The following AOPEP variants were observed in gnomAD, a reference collection of about 807,000 sequenced individuals.
AOPEP encodes the protein aminopeptidase O.
A neutral mutation model predicts 98.1 loss-of-function variants in AOPEP; 77 were observed. That is an observed-to-expected ratio of 0.78 (90% CI 0.65 to 0.95). The LOEUF (loss-of-function observed/expected upper bound fraction) is 0.95. Ranked by LOEUF, AOPEP falls within the 40% of genes least tolerant of loss-of-function variation. The pLI is 0.00. For missense variants in AOPEP, 1,024 were observed against 1,024.7 expected (o/e 1.00, Z 0.01); for synonymous variants, 346 against 365.3 (o/e 0.95, Z 0.60).
chr9:94,959,944 C>T (rs1482090441), intron 9 of AOPEP, among the ~76,000 whole-genome samples: 1 of 152,052 alleles, frequency 6.6e-6, no homozygotes, highest in East Asian at 1.9e-4. Context: ...GAAAAAGCAA[C>T]TAAAGTGGAG....
chr9:95,070,516 T>G lies in AOPEP; in HGVS notation c.2232+9706T>G, dbSNP rs955693420. Among the ~76,000 whole-genome samples the G allele has an allele frequency of 5.9e-5, 9 of 152,258 alleles. No homozygotes were observed. In the East Asian group the frequency reaches 1.3e-3, roughly 23 times the overall value. ...TGGTGGCATTCTTCAAAGCATTTTA[T>G]AGCCTCTAACTGTGCATTATAATTT... On this transcript the variant is annotated intron_variant, in intron 14 of 16. Coordinates refer to ENST00000375315, the MANE Select transcript of AOPEP (RefSeq NM_001193329.3).
chr9:95,121,650 G>A, the AOPEP span, among the ~76,000 whole-genome samples: 58,051 of 152,022 alleles, frequency 0.38, 11,673 homozygotes, highest in East Asian at 0.58. Context: ...ATGCATAACA[G>A]TACTTCCCCA....
intron 5 of AOPEP, among the ~76,000 whole-genome samples, chr9:94,903,587 A>C: frequency 1.3e-5 from 2 of 151,406 alleles, no homozygotes; most frequent in East Asian, 3.9e-4. Context: ...CCAGGAGTTC[A>C]AGACCAGCCT....
At chr9:94,870,710 G>A (rs747831919) in intron 5 of AOPEP, among the ~76,000 whole-genome samples, 4 of 152,214 alleles carry the variant, frequency 2.6e-5, no homozygotes, top group Admixed American at 6.5e-5. Context: ...TGACATTTGC[G>A]GATAGTGAAG....
intron 11 of AOPEP, among the ~76,000 whole-genome samples, chr9:95,004,504 G>A (rs1296495361): frequency 6.6e-6 from 1 of 152,120 alleles, no homozygotes; most frequent in African/African-American, 2.4e-5. Context: ...CTACTCGAGG[G>A]CGTAGAACCC....
intron 3 of AOPEP, among the ~76,000 whole-genome samples, chr9:94,778,937 G>A (rs1842732592): frequency 6.6e-6 from 1 of 151,990 alleles, no homozygotes; most frequent in Non-Finnish European, 1.5e-5. Context: ...GCTGAGGCAA[G>A]AGAATTGCTT....
At chr9:94,913,229 G>A (rs952818819) in intron 5 of AOPEP, among the ~76,000 whole-genome samples, 2 of 152,182 alleles carry the variant, frequency 1.3e-5, no homozygotes, top group Non-Finnish European at 2.9e-5. Context: ...TTCCATTTGG[G>A]GAGAAGAAAT....
rs114749025 is a variant in AOPEP, at chr9:94,871,067, G to A, written c.1365-52919G>A. Among the ~76,000 whole-genome samples, 1,097 of 152,272 alleles carry A rather than the reference G, an allele frequency of 7.2e-3. 13 individuals carry two copies. Among genetic ancestry groups the A allele is most frequent in the African/African-American group, 0.025 (1,058 of 41,564 alleles). ...CTAATGTGGGTGTGGGCGCAGGCGC[G>A]ACTCCCAGTTCCATTCTCTGCAAAG... On this transcript the variant is annotated intron_variant, in intron 5 of 16. Transcript: ENST00000375315.
the AOPEP span, chr9:95,109,683 A>G: frequency 6.6e-6 from 1 of 152,238 alleles, no homozygotes. Flanking sequence ...CACCTCAAGG[A>G]CATCCACAGA....
intron 13 of AOPEP, among the ~76,000 whole-genome samples, chr9:95,030,885 T>C (rs544824355): frequency 2.0e-5 from 3 of 152,260 alleles, no homozygotes; most frequent in Non-Finnish European, 4.4e-5. Flanking sequence ...AACTTATTTC[T>C]AAGAAACATG....
At chr9:94,905,851 T>A (rs1463296944) in intron 5 of AOPEP, among the ~76,000 whole-genome samples, 1 of 151,410 alleles carries the variant, frequency 6.6e-6, no homozygotes, top group Non-Finnish European at 1.5e-5. Flanking sequence ...GAACCATCCA[T>A]CATCCCTGTC....
the AOPEP span, among the ~76,000 whole-genome samples, chr9:95,124,278 TGGACCA>T: frequency 6.6e-6 from 1 of 152,112 alleles, no homozygotes; most frequent in East Asian, 1.9e-4. Flanking sequence ...TGAGATGCAC[TGGACCA>T]GCACCACTCT....
intron 5 of AOPEP, among the ~76,000 whole-genome samples, chr9:94,855,885 T>G (rs981822544): frequency 1.3e-5 from 2 of 152,054 alleles, no homozygotes; most frequent in African/African-American, 2.4e-5. Context: ...GATTCTGGGG[T>G]GAGACTGAAA....
the AOPEP span, among the ~76,000 whole-genome samples, chr9:95,119,365 CTT>C: frequency 3.1e-3 from 431 of 141,124 alleles, no homozygotes; most frequent in Middle Eastern, 3.6e-3. Context: ...TCTTCCTTTT[CTT>C]TTTTTTTTTT....
chr9:94,788,747 G>A (rs1018969842), intron 3 of AOPEP, among the ~76,000 whole-genome samples: 11 of 152,164 alleles, frequency 7.2e-5, no homozygotes, highest in African/African-American at 2.7e-4. Flanking sequence ...ACCAAATAAG[G>A]GAGGATGGCT....
At chr9:94,907,786 G>A (rs555544759) in intron 5 of AOPEP, among the ~76,000 whole-genome samples, 35 of 152,266 alleles carry the variant, frequency 2.3e-4, no homozygotes, top group African/African-American at 7.5e-4. Context: ...CAGCTAGCTA[G>A]CTTTGTGAAG....
chr9:94,743,423 T>C (rs1588000682), intron 1 of AOPEP, among the ~76,000 whole-genome samples: 5 of 152,130 alleles, frequency 3.3e-5, no homozygotes, highest in Admixed American at 2.6e-4. Flanking sequence ...AGTAAACTTG[T>C]AGTGAAGTGG....
intron 1 of AOPEP, among the ~76,000 whole-genome samples, chr9:94,731,513 A>T (rs1830536991): frequency 6.6e-6 from 1 of 152,142 alleles, no homozygotes; most frequent in South Asian, 2.1e-4. Context: ...GGCGTGAGCC[A>T]CCGTGCCCGG....
intron 14 of AOPEP, among the ~76,000 whole-genome samples, chr9:95,080,108 A>T (rs2069569352): frequency 6.6e-6 from 1 of 152,232 alleles, no homozygotes. Context: ...ATTTCCCGTT[A>T]TGCTTTGCGT....
Sources: gnomAD v4.1 joint callset for allele counts (sites outside exome capture counted in the v4.1 genomes callset) on GRCh38, gnomAD v4.1.1 for gene constraint, MANE v1.5 for transcripts, NCBI Gene and HGNC (gene_info 2026-07-23, HGNC 2026-07-21) for gene names.